Variants in CDKL2 observed in about 807,000 individuals in gnomAD.
The protein encoded by CDKL2 is cyclin dependent kinase like 2.
CDKL2 carries 64 observed loss-of-function variants against 63.9 expected under a neutral mutation model. That is an observed-to-expected ratio of 1.00 (90% CI 0.82 to 1.23). The LOEUF (loss-of-function observed/expected upper bound fraction) is 1.23, where lower values mean the gene tolerates loss of function less well. Ranked by LOEUF, CDKL2 falls within the 50% of genes most tolerant of loss-of-function variation. The pLI, the probability that CDKL2 is intolerant of heterozygous loss-of-function variation, is 0.00. For synonymous variants in CDKL2, 211 were observed against 229.2 expected (o/e 0.92, Z 0.72); for missense variants, 656 against 668.0 (o/e 0.98, Z 0.20).
chr4:75,612,635 A>G (rs1729752031), intron 3 of CDKL2, among the ~76,000 whole-genome samples: 2 of 152,220 alleles, frequency 1.3e-5, no homozygotes. Context: ...CTGATACATT[A>G]AGTATTTGAT....
intron 2 of CDKL2, among the ~76,000 whole-genome samples, chr4:75,618,430 T>C (rs1326549280): frequency 6.6e-6 from 1 of 151,568 alleles, no homozygotes; most frequent in African/African-American, 2.4e-5. Flanking sequence ...AATTTTGTAT[T>C]TTTAGTAGAG....
At chr4:75,626,070 G>A (rs1370092840) in intron 1 of CDKL2, 53 bp from the exon 2 acceptor site, 11 of 1,088,680 alleles carry the variant, frequency 1.0e-5, no homozygotes, top group Admixed American at 4.2e-5. Flanking sequence ...AATTTCCTCC[G>A]CCTTCCCAGC....
At chr4:75,626,307 A>G (rs1467738771) in intron 1 of CDKL2, among the ~76,000 whole-genome samples, 2 of 152,238 alleles carry the variant, frequency 1.3e-5, no homozygotes, top group Admixed American at 1.3e-4. Flanking sequence ...GAAATTCCAT[A>G]TATTTTTAAT....
At chr4:75,608,517 C>T (rs970941266) in intron 3 of CDKL2, among the ~76,000 whole-genome samples, 5 of 152,054 alleles carry the variant, frequency 3.3e-5, no homozygotes, top group Admixed American at 2.6e-4. Flanking sequence ...CCCTGGGAAC[C>T]CATGGAAGTG....
Position 75,577,873 on chromosome 4 carries a change from C to T in CDKL2, c.*1329G>A, listed in dbSNP as rs1728089045. ...CCTACTCTTTTGAGGCTTAAATATC[C>T]AAGGTCAGAATTTCAGTATTAAGCT... On this transcript the variant is annotated 3_prime_UTR_variant, in exon 14 of 14. Coordinates refer to ENST00000307465, the MANE Select transcript of CDKL2 (RefSeq NM_001330724.2). 6.6e-6 allele frequency: 1 copy of T among 152,228 alleles called. No individual in the cohort carries two copies. The highest frequency in any genetic ancestry group is 2.4e-5 in the African/African-American group (1 of 41,310). The allele number at this position is 152,228 out of a possible 1,614,324, so 9.4% of individuals were successfully genotyped here. A position where few individuals can be genotyped will look rare whatever the true frequency, so the allele number is the denominator to read the frequency against.
chr4:75,628,337 G>T (rs1163849181), intron 1 of CDKL2, among the ~76,000 whole-genome samples: 1 of 151,944 alleles, frequency 6.6e-6, no homozygotes, highest in Non-Finnish European at 1.5e-5. Context: ...GGATTGTATC[G>T]ATCTCCTGAC....
chr4:75,616,134 A>G (rs1265457969), intron 2 of CDKL2, among the ~76,000 whole-genome samples: 1 of 152,148 alleles, frequency 6.6e-6, no homozygotes, highest in Non-Finnish European at 1.5e-5. Flanking sequence ...ATTTAACACT[A>G]TAGTTATCAA....
intron 3 of CDKL2, among the ~76,000 whole-genome samples, chr4:75,608,559 G>T (rs1365904190): frequency 2.0e-5 from 3 of 152,186 alleles, no homozygotes; most frequent in Non-Finnish European, 4.4e-5. Context: ...ATTGATGTTG[G>T]CCATAAATGA....
chr4:75,596,259 A>G lies in CDKL2; in HGVS notation c.1404T>C (p.Asn468=). The G allele has an allele frequency of 1.2e-6, 2 of 1,602,292 alleles. No homozygotes were observed. Among genetic ancestry groups the G allele is most frequent in the Non-Finnish European group, 1.7e-6 (2 of 1,169,128 alleles). Residue 468 remains asparagine (N), a synonymous_variant, in exon 10 of 14, where the codon AAT becomes AAC. Transcript: ENST00000307465. ...RHSPSGIYNI[N]VTTLVSSEKN... ...ACTGCTTACTTACTAATGTGGTCAC[A>G]TTAATGTTATAAATGCCTGATGGGG...
At chr4:75,583,850 A>T (rs1318309366) in intron 12 of CDKL2, among the ~76,000 whole-genome samples, 1 of 152,224 alleles carries the variant, frequency 6.6e-6, no homozygotes, top group Admixed American at 6.5e-5. Flanking sequence ...TGCCGAAAAA[A>T]TACTGAAACT....
chr4:75,613,370 T>C (rs539219667), intron 3 of CDKL2, among the ~76,000 whole-genome samples: 1 of 152,242 alleles, frequency 6.6e-6, no homozygotes, highest in South Asian at 2.1e-4. Context: ...ATATATCAAT[T>C]TAGGTGGCAG....
At chr4:75,625,143 T>C (rs1730342896) in intron 2 of CDKL2, among the ~76,000 whole-genome samples, 1 of 152,154 alleles carries the variant, frequency 6.6e-6, no homozygotes, top group Non-Finnish European at 1.5e-5. Context: ...CATGAACATA[T>C]ATGAAATACG....
intron 8 of CDKL2, among the ~76,000 whole-genome samples, chr4:75,597,697 A>C (rs1302950331): frequency 6.6e-6 from 1 of 152,162 alleles, no homozygotes; most frequent in Non-Finnish European, 1.5e-5. Flanking sequence ...TCCAAATCTC[A>C]CTTTTCAAAT....
At chr4:75,585,951 A>T (rs1329199824) in intron 12 of CDKL2, among the ~76,000 whole-genome samples, 1 of 152,224 alleles carries the variant, frequency 6.6e-6, no homozygotes, top group Non-Finnish European at 1.5e-5. Context: ...TTTATAGAAC[A>T]ATTAATCCAA....
intron 9 of CDKL2, among the ~76,000 whole-genome samples, chr4:75,596,618 A>G (rs1578325306): frequency 6.6e-6 from 1 of 152,194 alleles, no homozygotes; most frequent in Admixed American, 6.6e-5. Context: ...TCACAGTCAC[A>G]CCATGCAGCA....
In CDKL2 at chr4:75,578,810, A is replaced by G. The variant is rs1448424291; in HGVS notation, c.*392T>C. 2 of 152,622 alleles carry G rather than the reference A, an allele frequency of 1.3e-5. No individual in the cohort carries two copies. The highest frequency in any genetic ancestry group is 6.5e-5 in the Admixed American group (1 of 15,274). 9.5% of individuals were successfully genotyped at this position (152,622 alleles called of 1,614,324 possible). A position where few individuals can be genotyped will look rare whatever the true frequency, so the allele number is the denominator to read the frequency against. ...ACACAAAGTTCAATGCATGAGTAAC[A>G]TGGCCTTTTATAGTATTTCTCTCTG... On this transcript the variant is annotated 3_prime_UTR_variant, in exon 14 of 14. Coordinates refer to ENST00000307465, the MANE Select transcript of CDKL2 (RefSeq NM_001330724.2).
At chr4:75,585,922 AC>A (rs761414375) in intron 12 of CDKL2, among the ~76,000 whole-genome samples, 7 of 152,216 alleles carry the variant, frequency 4.6e-5, no homozygotes, top group Non-Finnish European at 8.8e-5. Context: ...ACTATTAACC[AC>A]CTTGATCTAA....
intron 2 of CDKL2, among the ~76,000 whole-genome samples, chr4:75,624,802 G>T (rs1384216598): frequency 6.6e-6 from 1 of 151,926 alleles, no homozygotes; most frequent in Non-Finnish European, 1.5e-5. Flanking sequence ...AGGTTGTAGT[G>T]AACTGAGATA....
rs1348567979 is a variant in CDKL2 at position 75,630,461 on chromosome 4, T to A, written c.-449A>T. On this transcript the variant is annotated 5_prime_UTR_variant, in exon 1 of 14. Transcript: ENST00000307465. ...CCCAGCTCGTAAGGCGCCCAGTACC[T>A]GGAGCCTGGGAACCTGCACCGCTCC... is the stretch of plus-strand genomic sequence containing the variant. The A allele has an allele frequency of 1.3e-5, 2 of 152,342 alleles. No individual in the cohort carries two copies. Among genetic ancestry groups the A allele is most frequent in the African/African-American group, 4.8e-5 (2 of 41,472 alleles). The allele number at this position is 152,342 out of a possible 1,614,324, so 9.4% of individuals were successfully genotyped here.
Sources: allele counts gnomAD v4.1 joint callset (sites outside exome capture counted in the v4.1 genomes callset), GRCh38; gene constraint gnomAD v4.1.1; transcripts MANE v1.5; gene names NCBI Gene and HGNC (gene_info 2026-07-23, HGNC 2026-07-21).